Variants in SGCZ observed in about 807,000 individuals in gnomAD.
SGCZ encodes sarcoglycan zeta.
A neutral mutation model predicts 41.3 loss-of-function variants in SGCZ; 40 were observed. That is an observed-to-expected ratio of 0.97 (90% CI 0.75 to 1.26). The LOEUF (loss-of-function observed/expected upper bound fraction) is 1.26, where lower values mean the gene tolerates loss of function less well. Ranked by LOEUF, SGCZ falls within the 50% of genes most tolerant of loss-of-function variation. SGCZ has a pLI of 0.00. For synonymous variants in SGCZ, 206 were observed against 137.5 expected, an observed-to-expected ratio of 1.50 and a Z score of -3.49; for missense variants, 552 against 369.8, an observed-to-expected ratio of 1.49 and a Z score of -4.04.
chr8:14,134,800 T>C (rs1442314022), intron 5 of SGCZ, among the ~76,000 whole-genome samples: 1 of 152,198 alleles, frequency 6.6e-6, no homozygotes, highest in Admixed American at 6.5e-5. Context: ...TGGCCCATGA[T>C]CCATACCAAG....
At chr8:14,163,307 T>C (rs918078101) in intron 5 of SGCZ, among the ~76,000 whole-genome samples, 2 of 152,136 alleles carry the variant, frequency 1.3e-5, no homozygotes, top group Non-Finnish European at 2.9e-5. Context: ...TTCCTAATAC[T>C]CTCCCTCCTC....
intron 1 of SGCZ, among the ~76,000 whole-genome samples, chr8:15,022,811 T>G (rs1441391160): frequency 3.9e-5 from 6 of 152,224 alleles, no homozygotes; most frequent in Non-Finnish European, 8.8e-5. Flanking sequence ...TGTGTTATTT[T>G]ACTTGACATT....
intron 1 of SGCZ, among the ~76,000 whole-genome samples, chr8:14,930,541 G>C (rs1799895562): frequency 6.6e-6 from 1 of 152,016 alleles, no homozygotes. Context: ...GCCCATGTAT[G>C]TTTCTTGCAG....
chr8:14,651,772 TAA>T (rs1318419216), intron 1 of SGCZ, among the ~76,000 whole-genome samples: 1 of 152,064 alleles, frequency 6.6e-6, no homozygotes, highest in African/African-American at 2.4e-5. Flanking sequence ...TTCTACCCCA[TAA>T]AAGATGCCCA....
chr8:14,853,507 G>A (rs1169232247), intron 1 of SGCZ: 2 of 532,400 alleles, frequency 3.8e-6, no homozygotes, highest in South Asian at 1.4e-5. Context: ...TCTGATCTGA[G>A]GAGCAGGTGA....
intron 1 of SGCZ, among the ~76,000 whole-genome samples, chr8:14,886,738 G>A (rs759042663): frequency 2.6e-5 from 4 of 152,178 alleles, no homozygotes; most frequent in Admixed American, 6.5e-5. Flanking sequence ...TACTCTAAAT[G>A]AGACGGGAAA....
chr8:14,409,651 G>A (rs1264519043), intron 2 of SGCZ, among the ~76,000 whole-genome samples: 4 of 152,040 alleles, frequency 2.6e-5, no homozygotes, highest in African/African-American at 9.7e-5. Context: ...GCTATTACAT[G>A]TCAGCAAAAA....
At position 14,625,517 on chromosome 8, in the gene SGCZ, T is replaced by C. The variant is rs185713009; in HGVS notation, c.40-70591A>G. Among the ~76,000 whole-genome samples, 4 of 152,356 alleles carry C rather than the reference T, an allele frequency of 2.6e-5. No individual in the cohort carries two copies. The East Asian group carries it at 7.7e-4, about 29-fold the overall frequency. On this transcript the variant is annotated intron_variant, in intron 1 of 7. Transcript: ENST00000382080. ...GACTATATGGAAGGGAAAATACAGC[T>C]GAGATTTCATACCTAGAGGACATTT...
At chr8:14,741,880 CAATTT>C (rs1799206868) in intron 1 of SGCZ, among the ~76,000 whole-genome samples, 1 of 142,456 alleles carries the variant, frequency 7.0e-6, no homozygotes, top group African/African-American at 2.8e-5. Context: ...TTTAATAACT[CAATTT>C]AATCACAAAA....
At chr8:15,146,686 T>G (rs533821238) in intron 1 of SGCZ, among the ~76,000 whole-genome samples, 2 of 152,306 alleles carry the variant, frequency 1.3e-5, no homozygotes, top group Admixed American at 6.5e-5. Context: ...GGGGAAGGAA[T>G]GGTAACATCA....
intron 4 of SGCZ, among the ~76,000 whole-genome samples, chr8:14,189,465 C>G (rs150300161): frequency 1.3e-5 from 2 of 152,294 alleles, no homozygotes; most frequent in African/African-American, 4.8e-5. Context: ...TCCCAATAAT[C>G]CTTTTGCCAT....
chr8:14,616,288 A>G (rs1416364605), intron 1 of SGCZ, among the ~76,000 whole-genome samples: 1 of 151,636 alleles, frequency 6.6e-6, no homozygotes, highest in Non-Finnish European at 1.5e-5. Context: ...GTCTCAAAAA[A>G]AAAAAAGAAA....
intron 1 of SGCZ, among the ~76,000 whole-genome samples, chr8:14,807,233 A>T (rs534614891): frequency 6.6e-6 from 1 of 152,092 alleles, no homozygotes; most frequent in Non-Finnish European, 1.5e-5. Flanking sequence ...TGGCCAGGGC[A>T]ATTAGGCAGG....
chr8:14,610,215 C>T (rs1315775879), intron 1 of SGCZ, among the ~76,000 whole-genome samples: 1 of 152,086 alleles, frequency 6.6e-6, no homozygotes, highest in East Asian at 1.9e-4. Context: ...ACAAGAATCA[C>T]CTTGACCTAA....
chr8:14,502,429 T>A (rs936440779), intron 2 of SGCZ, among the ~76,000 whole-genome samples: 1 of 152,126 alleles, frequency 6.6e-6, no homozygotes, highest in African/African-American at 2.4e-5. Flanking sequence ...ATATCTACAA[T>A]ACAACTTCAC....
chr8:14,548,416 A>G (rs114078026), intron 2 of SGCZ, among the ~76,000 whole-genome samples: 2,873 of 152,294 alleles, frequency 0.019, 90 homozygotes, highest in African/African-American at 0.063. Flanking sequence ...ATGAATATAA[A>G]AATGAATTCA....
chr8:14,292,304 G>A (rs968091513), intron 3 of SGCZ, among the ~76,000 whole-genome samples: 10 of 152,146 alleles, frequency 6.6e-5, no homozygotes, highest in African/African-American at 1.4e-4. Flanking sequence ...AGACATGAGA[G>A]TAGCTACTCA....
chr8:14,907,580 AAC>A (rs1435352560), intron 1 of SGCZ, among the ~76,000 whole-genome samples: 1 of 152,156 alleles, frequency 6.6e-6, no homozygotes, highest in African/African-American at 2.4e-5. Context: ...AAGGCTGGAC[AAC>A]AGTGATCCCA....
chr8:14,644,643 G>A (rs1293557806), intron 1 of SGCZ, among the ~76,000 whole-genome samples: 1 of 151,732 alleles, frequency 6.6e-6, no homozygotes, highest in East Asian at 1.9e-4. Flanking sequence ...TTGGGGGAAT[G>A]TGTTCTTTTT....
Sources: gnomAD v4.1 joint callset for allele counts (sites outside exome capture counted in the v4.1 genomes callset) on GRCh38, gnomAD v4.1.1 for gene constraint, MANE v1.5 for transcripts, NCBI Gene and HGNC (gene_info 2026-07-23, HGNC 2026-07-21) for gene names.